The following TMEM164 variants were observed in gnomAD, a reference collection of about 807,000 sequenced individuals.
TMEM164 encodes the protein transmembrane protein 164.
In TMEM164, 4 loss-of-function variants were observed where a neutral mutation model predicts 18.8. The ratio of observed to expected loss-of-function variants is 0.21; its 90% confidence interval spans 0.10 to 0.49. The LOEUF (loss-of-function observed/expected upper bound fraction) is 0.49, where lower values mean the gene tolerates loss of function less well. TMEM164 is among the 20% of genes least tolerant of loss of function. TMEM164 has a pLI of 0.98. For synonymous variants in TMEM164, 86 were observed against 101.7 expected (o/e 0.85, Z 0.93); for missense variants, 108 against 239.9 (o/e 0.45, Z 3.63).
At chrX:110,119,197 G>A (rs1039984763) in intron 4 of TMEM164, among the ~76,000 whole-genome samples, 1 of 112,180 alleles carries the variant, frequency 8.9e-6, no homozygotes, top group Non-Finnish European at 1.9e-5. Context: ...ATGCAAAGGT[G>A]ATTATTTTTC....
rs780922278 is a variant in TMEM164 at position 110,088,402 on chromosome X, T to C, written c.441-20678T>C. ...GCTGCTTTTTGGCTTAGCGTTGGAC[T>C]CATCACTGAAAAAGATAGTTGAGAG... On this transcript the variant is annotated intron_variant, in intron 3 of 6. Coordinates refer to ENST00000372068, the MANE Select transcript of TMEM164 (RefSeq NM_032227.4). Among the ~76,000 whole-genome samples the C allele has an allele frequency of 5.4e-5, 6 of 112,140 alleles. No individual in the cohort carries two copies. The South Asian group carries it at 2.2e-3, about 41-fold the overall frequency.
rs181314691 is a variant in TMEM164, at chrX:110,035,237, T to A, written c.390+31073T>A. 4.8e-3 allele frequency among the ~76,000 whole-genome samples: 522 copies of A among 109,588 alleles called. 2 individuals are homozygous for A. Among genetic ancestry groups the A allele is most frequent in the African/African-American group, 0.016 (480 of 30,129 alleles). ...AAGTATAATAATAATAAAATAAAAT[T>A]AAAAAAAGAAATGAAAAAAATAAAT... is the stretch of plus-strand genomic sequence containing the variant. On this transcript the variant is annotated intron_variant, in intron 2 of 6. Transcript: ENST00000372068.
At chrX:110,081,697 G>C (rs138191379) in intron 3 of TMEM164, among the ~76,000 whole-genome samples, 1 of 112,571 alleles carries the variant, frequency 8.9e-6, no homozygotes, top group African/African-American at 3.2e-5. Flanking sequence ...AGTATACATG[G>C]ATGAGCTCTG....
intron 4 of TMEM164, among the ~76,000 whole-genome samples, chrX:110,129,397 C>T (rs781680010): frequency 8.9e-6 from 1 of 112,255 alleles, no homozygotes; most frequent in Non-Finnish European, 1.9e-5. Flanking sequence ...CCTTTGTCCC[C>T]CATCCCTTAT....
At chrX:110,011,589 A>G (rs1013601950) in intron 2 of TMEM164, among the ~76,000 whole-genome samples, 12 of 112,282 alleles carry the variant, frequency 1.1e-4, no homozygotes, top group Admixed American at 2.8e-4. Flanking sequence ...TTTAATATCT[A>G]TTCACTTACC....
At chrX:110,147,751 C>T (rs2066878474) in intron 5 of TMEM164, among the ~76,000 whole-genome samples, 1 of 110,960 alleles carries the variant, frequency 9.0e-6, no homozygotes, top group African/African-American at 3.3e-5. Flanking sequence ...CACCCATCCA[C>T]CCCAGCTTCT....
At chrX:110,141,703 C>T (rs993130454) in intron 4 of TMEM164, among the ~76,000 whole-genome samples, 2 of 111,997 alleles carry the variant, frequency 1.8e-5, no homozygotes, top group Non-Finnish European at 3.8e-5. Flanking sequence ...AACATATCAA[C>T]GTATAGAAAT....
intron 3 of TMEM164, among the ~76,000 whole-genome samples, chrX:110,105,210 A>G (rs2066172200): frequency 9.7e-6 from 1 of 103,235 alleles, no homozygotes; most frequent in Admixed American, 1.1e-4. Flanking sequence ...CCATCCATCC[A>G]TCCATCCATC....
In TMEM164 at chrX:110,074,169, C is replaced by T. The variant is rs776798915; in HGVS notation, c.440+6773C>T. On this transcript the variant is annotated intron_variant, in intron 3 of 6. Transcript: ENST00000372068. ...GGGGGATTACAGGAGTGAGCCACCA[C>T]GCTTGACCTGATTGTGGTTTGATTT... is the stretch of plus-strand genomic sequence containing the variant. 4.5e-5 allele frequency among the ~76,000 whole-genome samples: 5 copies of T among 111,405 alleles called. No individual in the cohort carries two copies. In the South Asian group the frequency reaches 1.1e-3, roughly 25 times the overall value.
chrX:110,030,108 GTTTTTTTTTTTT>G (rs34803907), intron 2 of TMEM164, among the ~76,000 whole-genome samples: 15 of 26,972 alleles, frequency 5.6e-4, no homozygotes, highest in African/African-American at 2.0e-3. Context: ...TTCTCTGTCT[GTTTTTTTTTTTT>G]TTTTTTTTTT....
chrX:110,119,170 TA>T (rs1036054005), intron 4 of TMEM164, among the ~76,000 whole-genome samples: 1 of 112,389 alleles, frequency 8.9e-6, no homozygotes, highest in Non-Finnish European at 1.9e-5. Context: ...GTATAAATTT[TA>T]AAAAAATCAT....
intron 2 of TMEM164, among the ~76,000 whole-genome samples, chrX:110,024,547 TA>T (rs1446435322): frequency 3.6e-5 from 4 of 112,205 alleles, no homozygotes; most frequent in African/African-American, 1.3e-4. Context: ...GTCCTGGGAT[TA>T]CTGTTGTGAG....
intron 3 of TMEM164, among the ~76,000 whole-genome samples, chrX:110,108,843 GT>G (rs1314520715): frequency 8.9e-6 from 1 of 112,150 alleles, no homozygotes; most frequent in Non-Finnish European, 1.9e-5. Context: ...ACCAAAGTAT[GT>G]TCAGGAAGTG....
At chrX:110,061,887 T>C (rs778449779) in intron 2 of TMEM164, among the ~76,000 whole-genome samples, 9 of 111,521 alleles carry the variant, frequency 8.1e-5, no homozygotes, top group African/African-American at 2.6e-4. Context: ...AAGAGGAAAG[T>C]TGGAAAAACC....
intron 2 of TMEM164, among the ~76,000 whole-genome samples, chrX:110,060,223 C>T (rs779630131): frequency 2.0e-5 from 2 of 98,250 alleles, no homozygotes; most frequent in Non-Finnish European, 4.0e-5. Context: ...GCCATGATCA[C>T]ACCAATGCAC....
chrX:110,175,941 C>G lies in TMEM164; in HGVS notation c.*2490C>G. The G allele has an allele frequency of 1.3e-6, 1 of 756,249 alleles. No individual in the cohort carries two copies. The highest frequency in any genetic ancestry group is 2.3e-5 in the African/African-American group (1 of 43,871). 62.3% of individuals were successfully genotyped at this position (756,249 alleles called of 1,213,427 possible). ...GGTAGCCCTCATATCTGCCCTGTGC[C>G]GGCCCTCTACTGCCCCAGCTTTGGT... is the stretch of plus-strand genomic sequence containing the variant. On this transcript the variant is annotated 3_prime_UTR_variant, in exon 7 of 7. Transcript: ENST00000372068.
intron 3 of TMEM164, among the ~76,000 whole-genome samples, chrX:110,096,279 C>T (rs1252238824): frequency 8.9e-6 from 1 of 112,822 alleles, no homozygotes; most frequent in African/African-American, 3.2e-5. Flanking sequence ...TGCCCTGTCC[C>T]CAGAGGTGGA....
intron 2 of TMEM164, among the ~76,000 whole-genome samples, chrX:110,044,593 C>CTTTTTTTTTTTTTTTTTTT (rs56400284): frequency 2.8e-5 from 1 of 35,956 alleles, no homozygotes; most frequent in Non-Finnish European, 4.4e-5. Context: ...CCATTCCTTG[C>CTTTTTTTTTTTTTTTTTTT]TTTTTTTTTT....
chrX:110,042,114 A>C (rs1935121036), intron 2 of TMEM164, among the ~76,000 whole-genome samples: 1 of 108,738 alleles, frequency 9.2e-6, no homozygotes, highest in African/African-American at 3.3e-5. Flanking sequence ...TGCAACCACC[A>C]CTCCTATTTC....
Sources: allele counts gnomAD v4.1 joint callset (sites outside exome capture counted in the v4.1 genomes callset), GRCh38; gene constraint gnomAD v4.1.1; transcripts MANE v1.5; gene names NCBI Gene and HGNC (gene_info 2026-07-23, HGNC 2026-07-21).